The following SH2D4B variants were observed in gnomAD, a reference collection of about 807,000 sequenced individuals.
SH2D4B encodes the protein SH2 domain-containing protein 4B.
SH2D4B carries 45 observed loss-of-function variants against 61.5 expected under a neutral mutation model. The ratio of observed to expected loss-of-function variants is 0.73; its 90% CI spans 0.58 to 0.94. The LOEUF is 0.94. Ranked by LOEUF, SH2D4B falls within the 40% of genes least tolerant of loss-of-function variation. The pLI is 0.00. For synonymous variants in SH2D4B, 224 were observed against 220.4 expected (o/e 1.02, Z -0.14); for missense variants, 572 against 574.2 (o/e 1.00, Z 0.04).
Position 80,570,158 on chromosome 10 carries a change from G to T in SH2D4B, c.189G>T (p.Ala63=), listed in dbSNP as rs373261693. The change falls in exon 2 of 8, where the codon GCG becomes GCT. Residue 63 remains alanine, a synonymous_variant. Transcript: ENST00000646907. ...GLRPPKTKRA[A]SDKHIQWLLG... is the part of the protein sequence containing the mutation. The stretch of plus-strand genomic sequence containing the variant: ...CTTCCTTCTTCTATTGTGAAGCAGC[G>T]AGTGACAAGCACATCCAATGGCTCC... 4.3e-6 allele frequency: 7 copies of T among 1,613,906 alleles called. No homozygotes were observed. The highest frequency in any genetic ancestry group is 5.9e-6 in the Non-Finnish European group (7 of 1,179,980).
intron 4 of SH2D4B, among the ~76,000 whole-genome samples, chr10:80,589,378 TAAG>T (rs1842299664): frequency 6.6e-6 from 1 of 152,060 alleles, no homozygotes; most frequent in Admixed American, 6.6e-5. Flanking sequence ...TACAAAAAAA[TAAG>T]AAGTATTAGC....
At chr10:80,585,330 T>TC (rs1402612883) in intron 3 of SH2D4B, among the ~76,000 whole-genome samples, 2 of 151,406 alleles carry the variant, frequency 1.3e-5, no homozygotes, top group African/African-American at 4.9e-5. Flanking sequence ...CTTTTTCTTT[T>TC]TTTTTTTTTT....
At chr10:80,562,919 T>G (rs1272705887) in intron 1 of SH2D4B, among the ~76,000 whole-genome samples, 95 of 113,254 alleles carry the variant, frequency 8.4e-4, no homozygotes, top group Non-Finnish European at 1.5e-3. Flanking sequence ...TTTTTTTTTT[T>G]GAGACGGAGT....
chr10:80,583,293 C>CAT (rs1238727147), intron 3 of SH2D4B, among the ~76,000 whole-genome samples: 5 of 138,234 alleles, frequency 3.6e-5, no homozygotes, highest in Non-Finnish European at 7.6e-5. Context: ...TTGGAAATTA[C>CAT]ACGTGATAGC....
intron 7 of SH2D4B, among the ~76,000 whole-genome samples, chr10:80,642,502 G>A (rs528393526): frequency 6.6e-6 from 1 of 152,200 alleles, no homozygotes; most frequent in South Asian, 2.1e-4. Flanking sequence ...AAACATCACT[G>A]TGTGAAGTGC....
chr10:80,594,981 A>C (rs1842369765), intron 4 of SH2D4B, among the ~76,000 whole-genome samples: 1 of 152,308 alleles, frequency 6.6e-6, no homozygotes, highest in Admixed American at 6.5e-5. Context: ...CCAGTGACCT[A>C]GCATGTAATC....
intron 4 of SH2D4B, among the ~76,000 whole-genome samples, chr10:80,593,129 A>G (rs966532293): frequency 2.6e-5 from 4 of 152,194 alleles, no homozygotes; most frequent in African/African-American, 9.7e-5. Flanking sequence ...ATTGGGCAGT[A>G]TGAGACCTCC....
intron 6 of SH2D4B, among the ~76,000 whole-genome samples, chr10:80,624,627 A>G (rs1483386455): frequency 6.6e-6 from 1 of 152,236 alleles, no homozygotes; most frequent in Non-Finnish European, 1.5e-5. Flanking sequence ...AATGTTTTCA[A>G]CCATACCACT....
intron 1 of SH2D4B, among the ~76,000 whole-genome samples, chr10:80,546,050 T>C (rs558931969): frequency 1.4e-4 from 20 of 146,344 alleles, no homozygotes; most frequent in African/African-American, 5.1e-4. Flanking sequence ...CTCTTTCTTT[T>C]TTTTTTTTTT....
rs185070353 is a variant in SH2D4B at position 80,570,443 on chromosome 10, C to T, written c.347+127C>T. 2.8e-5 allele frequency: 34 copies of T among 1,218,860 alleles called. No homozygotes were observed. The Admixed American group carries it at 4.8e-4, about 17-fold the overall frequency. 75.5% of individuals were successfully genotyped at this position (1,218,860 alleles called of 1,614,324 possible). On this transcript the variant is annotated intron_variant, in intron 2 of 7. Transcript: ENST00000646907. Reference sequence around the variant, plus strand: ...TCATGTTGGCCGGGCTGGTCTCAAACTCCTGACCTCAGGTGAGCCACCCGC... The same window carrying T: ...TCATGTTGGCCGGGCTGGTCTCAAATTCCTGACCTCAGGTGAGCCACCCGC...
At chr10:80,577,889 G>A (rs1228953532) in intron 3 of SH2D4B, among the ~76,000 whole-genome samples, 1 of 152,102 alleles carries the variant, frequency 6.6e-6, no homozygotes. Flanking sequence ...CTGGTAATTT[G>A]TTACTCAGCA....
At chr10:80,627,948 T>C (rs1274494378) in intron 6 of SH2D4B, among the ~76,000 whole-genome samples, 2 of 152,212 alleles carry the variant, frequency 1.3e-5, no homozygotes, top group Non-Finnish European at 2.9e-5. Flanking sequence ...CCCTGGAGCG[T>C]TGGCTGGTTA....
intron 1 of SH2D4B, among the ~76,000 whole-genome samples, chr10:80,566,559 G>A (rs2132115533): frequency 6.6e-6 from 1 of 152,190 alleles, no homozygotes; most frequent in East Asian, 1.9e-4. Context: ...GCCTTCCAAA[G>A]CGCTGGGATT....
At chr10:80,609,112 C>CTGTG (rs1842559003) in intron 5 of SH2D4B, among the ~76,000 whole-genome samples, 3 of 152,196 alleles carry the variant, frequency 2.0e-5, no homozygotes, top group Non-Finnish European at 4.4e-5. Context: ...TCATTCTCAC[C>CTGTG]TGTGTGGCTG....
In SH2D4B at chr10:80,538,218, C is replaced by T. The variant is rs1302295395; in HGVS notation, c.-114C>T. On this transcript the variant is annotated 5_prime_UTR_variant, in exon 1 of 8. Coordinates refer to ENST00000646907, the MANE Select transcript of SH2D4B (RefSeq NM_001388272.1). The surrounding 1 kb of genome is among the most constrained non-coding windows in gnomAD (Gnocchi z 4.8). ...ACAATGCTGCACAGAGAAGGGGCACCGAGAGTGGCCCCGGATTGAGCAGTC... is the reference window on the plus strand; with the variant it reads ...ACAATGCTGCACAGAGAAGGGGCACTGAGAGTGGCCCCGGATTGAGCAGTC... The T allele has an allele frequency of 1.3e-5, 12 of 893,386 alleles. No individual in the cohort carries two copies. Among genetic ancestry groups the T allele is most frequent in the South Asian group, 5.1e-5 (1 of 19,524 alleles). The allele number at this position is 893,386 out of a possible 1,614,324, so 55.3% of individuals were successfully genotyped here. A position where few individuals can be genotyped will look rare whatever the true frequency, so the allele number is the denominator to read the frequency against.
In SH2D4B at chr10:80,625,582, TC is replaced by T. The variant is rs201095594; in HGVS notation, c.989-8702del. 2.4e-3 allele frequency among the ~76,000 whole-genome samples: 338 copies of T among 141,144 alleles called. 16 individuals carry two copies. The highest frequency in any genetic ancestry group is 7.7e-3 in the African/African-American group (252 of 32,560). The allele number at this position is 141,144 out of a possible 152,430, so 92.6% of individuals were successfully genotyped here. A position where few individuals can be genotyped will look rare whatever the true frequency, so the allele number is the denominator to read the frequency against. On this transcript the variant is annotated intron_variant, in intron 6 of 7. Coordinates refer to ENST00000646907, the MANE Select transcript of SH2D4B (RefSeq NM_001388272.1). The stretch of plus-strand genomic sequence containing the variant: ...AATTTTTTTTCTTTTTCTTTTTTTT[TC>T]TTTTTTTGAGACAGAGTCTTACTCT...
intron 6 of SH2D4B, among the ~76,000 whole-genome samples, chr10:80,633,731 G>C (rs1048922308): frequency 6.6e-6 from 1 of 152,234 alleles, no homozygotes; most frequent in African/African-American, 2.4e-5. Flanking sequence ...GAGCTGAAGT[G>C]AAGCTTGATT....
intron 1 of SH2D4B, chr10:80,540,975 G>C: frequency 3.6e-6 from 5 of 1,383,040 alleles, no homozygotes; most frequent in Non-Finnish European, 5.0e-6. Context: ...TCTTGAAACT[G>C]TCTTGAGAAA....
intron 3 of SH2D4B, among the ~76,000 whole-genome samples, chr10:80,573,247 A>G (rs1393970948): frequency 6.6e-6 from 1 of 151,056 alleles, no homozygotes; most frequent in Non-Finnish European, 1.5e-5. Context: ...CGGCCTCCCA[A>G]AGTGCTGGGA....
Sources: gnomAD v4.1 joint callset for allele counts (sites outside exome capture counted in the v4.1 genomes callset) on GRCh38, gnomAD v4.1.1 for gene constraint, Gnocchi (gnomAD v3.1) non-coding constraint, MANE v1.5 for transcripts, NCBI Gene and HGNC (gene_info 2026-07-23, HGNC 2026-07-21) for gene names.